The following LRRTM4 variants were observed in gnomAD, a reference collection of about 807,000 sequenced individuals.
The protein encoded by LRRTM4 is leucine-rich repeat transmembrane neuronal protein 4.
In LRRTM4, 25 loss-of-function variants were observed where a neutral mutation model predicts 47.6. The observed-to-expected ratio is 0.53, with a 90% CI of 0.38 to 0.73. LRRTM4 has a LOEUF of 0.73. LRRTM4 is among the 30% of genes least tolerant of loss of function. The pLI is 0.00. For synonymous variants in LRRTM4, 311 were observed against 269.5 expected (o/e 1.15, Z -1.51); for missense variants, 638 against 713.4 (o/e 0.89, Z 1.20).
At chr2:77,003,053 T>G (rs1677490723) in intron 3 of LRRTM4, among the ~76,000 whole-genome samples, 1 of 152,098 alleles carries the variant, frequency 6.6e-6, no homozygotes, top group Non-Finnish European at 1.5e-5. Context: ...TAGTGGGTAC[T>G]CAGTATAATT....
At chr2:76,914,501 TAATAA>T (rs1282443319) in intron 3 of LRRTM4, among the ~76,000 whole-genome samples, 25 of 152,244 alleles carry the variant, frequency 1.6e-4, no homozygotes, top group South Asian at 6.2e-4. Flanking sequence ...TTTGTTTATG[TAATAA>T]AATAAAATTG....
intron 3 of LRRTM4, among the ~76,000 whole-genome samples, chr2:77,093,047 C>A (rs4572622): frequency 2.8e-5 from 4 of 141,994 alleles, no homozygotes; most frequent in African/African-American, 1.2e-4. Context: ...TTATTAGGCC[C>A]CAGTCTCATT....
chr2:77,416,185 AT>A (rs1181095745), intron 3 of LRRTM4, among the ~76,000 whole-genome samples: 1 of 152,048 alleles, frequency 6.6e-6, no homozygotes, highest in African/African-American at 2.4e-5. Flanking sequence ...ATAGAATAAT[AT>A]TTCTTTAATT....
chr2:77,291,922 G>A (rs1198055520), intron 3 of LRRTM4, among the ~76,000 whole-genome samples: 3 of 151,656 alleles, frequency 2.0e-5, no homozygotes, highest in Non-Finnish European at 2.9e-5. Context: ...TACAAAATGG[G>A]AGAAAATTTT....
At position 77,418,154 on chromosome 2, in the gene LRRTM4, T is replaced by A. The variant is rs368525528; in HGVS notation, c.1551+100164A>T. ...ATTTCTGTGTCAAGGGTTCTTAGCG[T>A]AGACCCTAACTAAATTTTTGATATT... On this transcript the variant is annotated intron_variant, in intron 3 of 3. Transcript: ENST00000409884. Among the ~76,000 whole-genome samples, 10 of 152,322 alleles carry A rather than the reference T, an allele frequency of 6.6e-5. No homozygotes were observed. The South Asian group carries it at 1.0e-3, about 16-fold the overall frequency.
At chr2:77,058,388 A>C (rs80333338) in intron 3 of LRRTM4, among the ~76,000 whole-genome samples, 2,970 of 152,284 alleles carry the variant, frequency 0.02, 36 homozygotes, top group Non-Finnish European at 0.026. Context: ...GGGAGTACTT[A>C]GGCAAATGTG....
intron 3 of LRRTM4, chr2:77,517,695 C>CAA (rs5832288): frequency 0.044 from 38,770 of 889,840 alleles, 131 homozygotes; most frequent in Non-Finnish European, 0.048. Context: ...AAGAAGGAAA[C>CAA]AAAAAAAAAA....
At chr2:76,762,818 A>G (rs1462407367) in intron 3 of LRRTM4, among the ~76,000 whole-genome samples, 1 of 152,204 alleles carries the variant, frequency 6.6e-6, no homozygotes, top group Non-Finnish European at 1.5e-5. Context: ...TAACTCTTTA[A>G]TGAAAGCCAT....
chr2:76,798,788 A>C (rs1215355536), intron 3 of LRRTM4, among the ~76,000 whole-genome samples: 2 of 151,662 alleles, frequency 1.3e-5, no homozygotes, highest in Non-Finnish European at 1.5e-5. Flanking sequence ...GATCCCACAG[A>C]AATACAAACT....
intron 3 of LRRTM4, among the ~76,000 whole-genome samples, chr2:76,923,867 T>C (rs1674508181): frequency 6.6e-6 from 1 of 152,146 alleles, no homozygotes; most frequent in African/African-American, 2.4e-5. Context: ...CAAATCATTA[T>C]CTTCAAAGAG....
chr2:77,118,983 G>A (rs563629023), intron 3 of LRRTM4, among the ~76,000 whole-genome samples: 37 of 151,938 alleles, frequency 2.4e-4, no homozygotes, highest in African/African-American at 7.9e-4. Context: ...ATTACTCTAT[G>A]CAGAACACAC....
chr2:77,503,903 A>T lies in LRRTM4; in HGVS notation c.1551+14415T>A, dbSNP rs891209604. The stretch of plus-strand genomic sequence containing the variant: ...TATAAAATGTGGTGATGATGAAGTC[A>T]GTGGCAAGCTTAGCAAGAGCTGTTT... On this transcript the variant is annotated intron_variant, in intron 3 of 3. Transcript: ENST00000409884. Among the ~76,000 whole-genome samples, 53 of 151,716 alleles carry T rather than the reference A, an allele frequency of 3.5e-4. 1 individual carries two copies. Among genetic ancestry groups the T allele is most frequent in the Non-Finnish European group, 5.9e-5 (4 of 67,734 alleles).
chr2:77,359,734 T>A (rs1232287562), intron 3 of LRRTM4, among the ~76,000 whole-genome samples: 1 of 152,220 alleles, frequency 6.6e-6, no homozygotes, highest in Non-Finnish European at 1.5e-5. Flanking sequence ...TTAAGCCTAA[T>A]TTTTTCTTTT....
In LRRTM4 at chr2:77,349,621, A is replaced by G. The variant is rs944979239; in HGVS notation, c.1551+168697T>C. On this transcript the variant is annotated intron_variant, in intron 3 of 3. Transcript: ENST00000409884. ...ATAAAGAATAAATATGTAAAATAAT[A>G]TTTTTGCTATAGAACAAAGGAAAAT... is the stretch of plus-strand genomic sequence containing the variant. Among the ~76,000 whole-genome samples, 8 of 152,184 alleles carry G rather than the reference A, an allele frequency of 5.3e-5. 1 individual carries two copies. The highest frequency in any genetic ancestry group is 7.4e-5 in the Non-Finnish European group (5 of 67,934).
chr2:77,029,214 A>G (rs901377136), intron 3 of LRRTM4, among the ~76,000 whole-genome samples: 20 of 151,830 alleles, frequency 1.3e-4, no homozygotes, highest in African/African-American at 4.8e-4. Context: ...GGACAAAAAT[A>G]ATAGGATAGA....
At chr2:77,512,106 C>T (rs1381004992) in intron 3 of LRRTM4, among the ~76,000 whole-genome samples, 4 of 152,056 alleles carry the variant, frequency 2.6e-5, no homozygotes, top group Admixed American at 2.0e-4. Context: ...TACAGGTGTA[C>T]CATATTACCT....
intron 3 of LRRTM4, chr2:77,518,020 G>A (rs1300859084): frequency 7.2e-6 from 8 of 1,110,522 alleles, no homozygotes; most frequent in Non-Finnish European, 8.8e-6. Context: ...GTTTGTATGT[G>A]TGTTTTTAAG....
At chr2:76,749,707 G>A (rs1672781795) in intron 3 of LRRTM4, among the ~76,000 whole-genome samples, 1 of 152,144 alleles carries the variant, frequency 6.6e-6, no homozygotes, top group Non-Finnish European at 1.5e-5. Context: ...GAAAATATCA[G>A]TTATAATAAT....
At chr2:77,021,362 G>A (rs761570966) in intron 3 of LRRTM4, among the ~76,000 whole-genome samples, 34 of 152,012 alleles carry the variant, frequency 2.2e-4, no homozygotes, top group Non-Finnish European at 4.1e-4. Flanking sequence ...GAACACACCA[G>A]GATTAAGTGT....
Sources: allele counts gnomAD v4.1 joint callset (sites outside exome capture counted in the v4.1 genomes callset), GRCh38; gene constraint gnomAD v4.1.1; transcripts MANE v1.5; gene names NCBI Gene and HGNC (gene_info 2026-07-23, HGNC 2026-07-21).